ADAMTS20: variants seen among roughly 807,000 people sequenced by gnomAD.
The protein encoded by ADAMTS20 is ADAM metallopeptidase with thrombospondin type 1 motif 20.
A neutral mutation model predicts 260.1 loss-of-function variants in ADAMTS20; 225 were observed. The observed-to-expected ratio is 0.87, with a 90% confidence interval of 0.78 to 0.97. ADAMTS20 has a LOEUF of 0.97. Ranked by LOEUF, ADAMTS20 falls within the 50% of genes least tolerant of loss-of-function variation. ADAMTS20 has a pLI of 0.00. For synonymous variants in ADAMTS20, 802 were observed against 769.5 expected (o/e 1.04, Z -0.70); for missense variants, 2,400 against 2,337.7 (o/e 1.03, Z -0.55).
chr12:43,532,537 A>G (rs1359023036), intron 2 of ADAMTS20, among the ~76,000 whole-genome samples: 1 of 41,734 alleles, frequency 2.4e-5, no homozygotes, highest in Non-Finnish European at 6.0e-5. Flanking sequence ...GGGAAAATAG[A>G]TACTTTTTTT....
At chr12:43,389,226 A>T (rs1241043524) in intron 29 of ADAMTS20, among the ~76,000 whole-genome samples, 1 of 152,180 alleles carries the variant, frequency 6.6e-6, no homozygotes, top group Non-Finnish European at 1.5e-5. Flanking sequence ...AGTGAGATTC[A>T]AGGTATAATT....
chr12:43,377,359 A>C lies in ADAMTS20; in HGVS notation c.4995+6T>G, dbSNP rs1302923272. 2 of 1,606,910 alleles carry C rather than the reference A, an allele frequency of 1.2e-6. No homozygotes were observed. Among genetic ancestry groups the C allele is most frequent in the Admixed American group, 1.7e-5 (1 of 59,308 alleles). ...GAAGTTTTAAAATTCATAATTGTAC[A>C]CCGACCTTGCTCCATTTTCCAACTT... is the stretch of plus-strand genomic sequence containing the variant. On this transcript the variant is annotated splice_donor_region_variant and intron_variant, in intron 32 of 38. Transcript: ENST00000389420.
intron 28 of ADAMTS20, chr12:43,423,576 C>A: frequency 1.7e-6 from 1 of 599,710 alleles, no homozygotes; most frequent in Non-Finnish European, 2.9e-6. Context: ...AAGTAATCCA[C>A]AGTCTTCTTA....
chr12:43,506,337 G>A (rs181722587), intron 3 of ADAMTS20, among the ~76,000 whole-genome samples: 41 of 152,072 alleles, frequency 2.7e-4, no homozygotes, highest in Admixed American at 2.7e-3. Context: ...GATAGAGAAA[G>A]GGAAAATGGG....
intron 6 of ADAMTS20, 40 bp downstream of exon 6, chr12:43,492,465 G>C (rs754944127): frequency 6.3e-7 from 1 of 1,599,690 alleles, no homozygotes; most frequent in South Asian, 1.1e-5. Flanking sequence ...GGAGGGAAGA[G>C]TAAAGGATTG....
At chr12:43,382,325 T>C (rs780926627) in intron 31 of ADAMTS20, among the ~76,000 whole-genome samples, 2 of 152,194 alleles carry the variant, frequency 1.3e-5, no homozygotes, top group Non-Finnish European at 2.9e-5. Context: ...CATTGATGTA[T>C]GATAAAACTT....
intron 28 of ADAMTS20, among the ~76,000 whole-genome samples, chr12:43,412,209 C>CT (rs549332761): frequency 4.6e-5 from 7 of 152,196 alleles, no homozygotes; most frequent in East Asian, 1.9e-4. Flanking sequence ...TATTTTTATA[C>CT]TTTTTTTACA....
chr12:43,503,896 T>C (rs962660663), intron 3 of ADAMTS20, among the ~76,000 whole-genome samples: 2 of 152,188 alleles, frequency 1.3e-5, no homozygotes, highest in Non-Finnish European at 2.9e-5. Flanking sequence ...CATGATCTTA[T>C]TCTTTTTATG....
intron 11 of ADAMTS20, among the ~76,000 whole-genome samples, chr12:43,457,112 C>G (rs1403368178): frequency 1.3e-5 from 2 of 152,332 alleles, no homozygotes; most frequent in East Asian, 3.9e-4. Context: ...TCTTCCTTGA[C>G]TTATCAGCAA....
intron 11 of ADAMTS20, among the ~76,000 whole-genome samples, chr12:43,460,988 A>ATATATATATATATATAT: frequency 3.8e-5 from 1 of 26,394 alleles, no homozygotes; most frequent in Non-Finnish European, 6.7e-5. Context: ...ATATATATAT[A>ATATATATATATATATAT]TTTTTTTTTT....
intron 11 of ADAMTS20, among the ~76,000 whole-genome samples, chr12:43,457,275 G>A (rs1592079229): frequency 1.3e-5 from 2 of 151,856 alleles, no homozygotes; most frequent in South Asian, 2.1e-4. Context: ...ACTTAGTGTT[G>A]GAATGTTTCT....
intron 7 of ADAMTS20, among the ~76,000 whole-genome samples, chr12:43,469,023 C>T (rs912734507): frequency 1.3e-4 from 20 of 152,076 alleles, no homozygotes; most frequent in African/African-American, 4.8e-4. Context: ...AGTGTTTTAA[C>T]ACATTAGCGT....
At chr12:43,465,824 G>C (rs753037679) in intron 9 of ADAMTS20, among the ~76,000 whole-genome samples, 1 of 151,986 alleles carries the variant, frequency 6.6e-6, no homozygotes, top group Non-Finnish European at 1.5e-5. Flanking sequence ...TACTATCACT[G>C]TTGGTTATAA....
At chr12:43,371,761 C>A (rs1940112960) in intron 36 of ADAMTS20, among the ~76,000 whole-genome samples, 1 of 152,106 alleles carries the variant, frequency 6.6e-6, no homozygotes, top group African/African-American at 2.4e-5. Context: ...CTCAGGGCAG[C>A]AGAAAACTGA....
chr12:43,355,213 C>T (rs1486028395), intron 38 of ADAMTS20, among the ~76,000 whole-genome samples: 2 of 152,182 alleles, frequency 1.3e-5, no homozygotes, highest in Non-Finnish European at 2.9e-5. Context: ...TCTGAGTACA[C>T]AGAGAAGGGA....
In ADAMTS20 at chr12:43,354,073, G is replaced by A; in HGVS notation, c.*136C>T. 1.8e-6 allele frequency: 1 copy of A among 557,558 alleles called. No homozygotes were observed. Among genetic ancestry groups the A allele is most frequent in the Non-Finnish European group, 3.1e-6 (1 of 327,434 alleles). 34.5% of individuals were successfully genotyped at this position (557,558 alleles called of 1,614,324 possible). On this transcript the variant is annotated 3_prime_UTR_variant, in exon 39 of 39. Coordinates refer to ENST00000389420, the MANE Select transcript of ADAMTS20 (RefSeq NM_025003.5). ...TTAAGCAGTGATTTGAATCCCTGAT[G>A]AGCACCCTGAAAAAAAGGCAGAGAC...
At chr12:43,437,062 G>C (rs1390911536) in intron 18 of ADAMTS20, among the ~76,000 whole-genome samples, 1 of 151,944 alleles carries the variant, frequency 6.6e-6, no homozygotes, top group Non-Finnish European at 1.5e-5. Context: ...AGACATTCTA[G>C]GAAAGCCTCT....
rs1419736496 is a variant in ADAMTS20, at chr12:43,464,863, A to G, written c.1368-131T>C. 3 of 956,844 alleles carry G rather than the reference A, an allele frequency of 3.1e-6. No individual in the cohort carries two copies. The African/African-American group carries it at 5.0e-5, about 16-fold the overall frequency. 59.3% of individuals were successfully genotyped at this position (956,844 alleles called of 1,614,324 possible). A position where few individuals can be genotyped will look rare whatever the true frequency, so the allele number is the denominator to read the frequency against. On this transcript the variant is annotated intron_variant, in intron 9 of 38. Transcript: ENST00000389420. ...GTATTTATTCATAACTTTAAAAACC[A>G]ACTCACATCAATATCAGTATAGCAA...
intron 3 of ADAMTS20, among the ~76,000 whole-genome samples, chr12:43,515,131 A>G (rs778039071): frequency 6.6e-6 from 1 of 152,208 alleles, no homozygotes; most frequent in Non-Finnish European, 1.5e-5. Flanking sequence ...CACAATCTCT[A>G]ACTATCTGCT....
Sources: allele counts gnomAD v4.1 joint callset (sites outside exome capture counted in the v4.1 genomes callset), GRCh38; gene constraint gnomAD v4.1.1; transcripts MANE v1.5; gene names NCBI Gene and HGNC (gene_info 2026-07-23, HGNC 2026-07-21).